Variants in FRMD3 observed in about 807,000 individuals in gnomAD.
The protein encoded by FRMD3 is FERM domain-containing protein 3.
FRMD3 carries 33 observed loss-of-function variants against 70.2 expected under a neutral mutation model. The ratio of observed to expected loss-of-function variants is 0.47; its 90% CI spans 0.36 to 0.63. The LOEUF (loss-of-function observed/expected upper bound fraction) is 0.63. FRMD3 is among the 20% of genes least tolerant of loss of function. The pLI is 0.00. For missense variants in FRMD3, 632 were observed against 711.4 expected, an observed-to-expected ratio of 0.89 and a Z score of 1.27; for synonymous variants, 279 against 255.9, an observed-to-expected ratio of 1.09 and a Z score of -0.86.
At chr9:83,444,395 G>A (rs977120025) in intron 1 of FRMD3, among the ~76,000 whole-genome samples, 1 of 152,234 alleles carries the variant, frequency 6.6e-6, no homozygotes, top group Non-Finnish European at 1.5e-5. Context: ...GACAGTCGGG[G>A]CTGCCCAGAT....
chr9:83,440,612 T>C lies in FRMD3; in HGVS notation c.148-50904A>G, dbSNP rs1827266395. On this transcript the variant is annotated intron_variant, in intron 1 of 13. Coordinates refer to ENST00000304195, the MANE Select transcript of FRMD3 (RefSeq NM_174938.6). ...CATTACTATCCAATTCTTCATTTGT[T>C]CAGTTGGGGAAGAAAGGGAACACCT... 2.6e-5 allele frequency among the ~76,000 whole-genome samples: 4 copies of C among 152,264 alleles called. No individual in the cohort carries two copies. The South Asian group carries it at 8.3e-4, about 32-fold the overall frequency.
chr9:83,271,947 T>C (rs957761128), intron 13 of FRMD3, among the ~76,000 whole-genome samples: 11 of 152,214 alleles, frequency 7.2e-5, no homozygotes, highest in African/African-American at 2.7e-4. Flanking sequence ...CCAACTTATT[T>C]ATAAACGGAA....
chr9:83,494,865 G>GCA (rs1554712477), intron 1 of FRMD3, among the ~76,000 whole-genome samples: 3 of 121,470 alleles, frequency 2.5e-5, no homozygotes, highest in East Asian at 2.0e-4. Context: ...GTGTGCGCGC[G>GCA]CGCATGTGCG....
In FRMD3 at chr9:83,245,278, A is replaced by G; in HGVS notation, c.*2640T>C. 2 of 985,404 alleles carry G rather than the reference A, an allele frequency of 2.0e-6. No homozygotes were observed. Among genetic ancestry groups the G allele is most frequent in the South Asian group, 9.4e-5 (2 of 21,290 alleles). 61.0% of individuals were successfully genotyped at this position (985,404 alleles called of 1,614,324 possible). A position where few individuals can be genotyped will look rare whatever the true frequency, so the allele number is the denominator to read the frequency against. On this transcript the variant is annotated 3_prime_UTR_variant, in exon 14 of 14. Coordinates refer to ENST00000304195, the MANE Select transcript of FRMD3 (RefSeq NM_174938.6). ...TTTAAACTCTATATCTCACTCTATA[A>G]TATACTGTCCATCTCTGGAAGCAGG...
At chr9:83,396,611 G>C (rs947159671) in intron 1 of FRMD3, among the ~76,000 whole-genome samples, 1 of 152,186 alleles carries the variant, frequency 6.6e-6, no homozygotes, top group African/African-American at 2.4e-5. Flanking sequence ...TACTTTACGA[G>C]GGCTTCTGGG....
chr9:83,485,966 T>C (rs1828680329), intron 1 of FRMD3, among the ~76,000 whole-genome samples: 2 of 152,090 alleles, frequency 1.3e-5, no homozygotes, highest in African/African-American at 2.4e-5. Flanking sequence ...TTAATGTATA[T>C]GTTGTATATC....
chr9:83,531,909 G>T (rs1358247251), intron 1 of FRMD3, among the ~76,000 whole-genome samples: 1 of 152,152 alleles, frequency 6.6e-6, no homozygotes, highest in African/African-American at 2.4e-5. Context: ...AGAACAGGAG[G>T]CCCAGTGACT....
At chr9:83,441,495 CAA>C (rs1181477606) in intron 1 of FRMD3, among the ~76,000 whole-genome samples, 2 of 152,134 alleles carry the variant, frequency 1.3e-5, no homozygotes, top group Non-Finnish European at 2.9e-5. Flanking sequence ...GATAAATACA[CAA>C]AAGAGTCTCT....
chr9:83,551,844 GT>G, the FRMD3 span, among the ~76,000 whole-genome samples: 1 of 151,078 alleles, frequency 6.6e-6, no homozygotes, highest in Non-Finnish European at 1.5e-5. Context: ...TTCTAATTGT[GT>G]TTATTTGGAT....
chr9:83,351,730 T>TAGATAGAC (rs879390065), intron 3 of FRMD3, among the ~76,000 whole-genome samples: 5 of 151,340 alleles, frequency 3.3e-5, no homozygotes, highest in African/African-American at 4.8e-5. Flanking sequence ...GATAGATAGA[T>TAGATAGAC]AGACATGCCA....
At chr9:83,278,702 T>A (rs1245277024) in intron 13 of FRMD3, among the ~76,000 whole-genome samples, 2 of 151,974 alleles carry the variant, frequency 1.3e-5, no homozygotes. Context: ...CAGGGGCACG[T>A]CCCCAGCCAC....
At chr9:83,270,784 A>G (rs1055578295) in intron 13 of FRMD3, among the ~76,000 whole-genome samples, 2 of 152,042 alleles carry the variant, frequency 1.3e-5, no homozygotes, top group African/African-American at 2.4e-5. Flanking sequence ...TTCTCAGATC[A>G]GTGCCTTGCA....
intron 1 of FRMD3, among the ~76,000 whole-genome samples, chr9:83,515,625 A>C (rs1829438204): frequency 6.6e-6 from 1 of 152,208 alleles, no homozygotes; most frequent in Non-Finnish European, 1.5e-5. Context: ...AGAATGCCAC[A>C]AAGATACTCC....
intron 7 of FRMD3, 65 bp from the exon 8 acceptor site, chr9:83,312,040 AC>A: frequency 8.3e-7 from 1 of 1,205,446 alleles, no homozygotes; most frequent in Non-Finnish European, 1.2e-6. Context: ...ATAAATGATA[AC>A]CAATATATTT....
At position 83,247,680 on chromosome 9, in the gene FRMD3, T is replaced by C. The variant is rs1832173828; in HGVS notation, c.*238A>G. ...GGTATGTCTACACTATAATAAAAAATAAACATATTTTTGGTTATTTAAAGA... is the reference window on the plus strand; with the variant it reads ...GGTATGTCTACACTATAATAAAAAACAAACATATTTTTGGTTATTTAAAGA... On this transcript the variant is annotated 3_prime_UTR_variant, in exon 14 of 14. Coordinates refer to ENST00000304195, the MANE Select transcript of FRMD3 (RefSeq NM_174938.6). 3 of 1,269,574 alleles carry C rather than the reference T, an allele frequency of 2.4e-6. No individual in the cohort carries two copies. 78.6% of individuals were successfully genotyped at this position (1,269,574 alleles called of 1,614,324 possible). A position where few individuals can be genotyped will look rare whatever the true frequency, so the allele number is the denominator to read the frequency against.
At chr9:83,560,788 T>G in the FRMD3 span, among the ~76,000 whole-genome samples, 1 of 152,206 alleles carries the variant, frequency 6.6e-6, no homozygotes, top group Non-Finnish European at 1.5e-5. Flanking sequence ...AATGTGCCTC[T>G]TCTGTCTTCC....
At chr9:83,339,253 C>T (rs777548350) in intron 5 of FRMD3, among the ~76,000 whole-genome samples, 7 of 152,166 alleles carry the variant, frequency 4.6e-5, no homozygotes, top group Non-Finnish European at 1.0e-4. Context: ...CTCTGATTCC[C>T]TAAAGCTTGT....
rs1563993854 is a variant in FRMD3, at chr9:83,284,058, G to GTTTTTTTTTTTTTTTTTT, written c.1195+6544_1195+6545insAAAAAAAAAAAAAAAAAA. ...CCTCTACGAGGGGGCAAGCTAGGAT[G>GTTTTTTTTTTTTTTTTTT]TTATTTTTTTTTTTTTTTTTTTTTT... On this transcript the variant is annotated intron_variant, in intron 13 of 13. Coordinates refer to ENST00000304195, the MANE Select transcript of FRMD3 (RefSeq NM_174938.6). Among the ~76,000 whole-genome samples the GTTTTTTTTTTTTTTTTTT allele has an allele frequency of 3.8e-5, 3 of 79,314 alleles. 1 individual carries two copies. The highest frequency in any genetic ancestry group is 1.4e-4 in the African/African-American group (3 of 21,324). 52.0% of individuals were successfully genotyped at this position (79,314 alleles called of 152,430 possible).
intron 6 of FRMD3, among the ~76,000 whole-genome samples, chr9:83,322,681 G>T (rs546879476): frequency 1.3e-5 from 2 of 152,298 alleles, no homozygotes; most frequent in East Asian, 3.9e-4. Context: ...TGGGTCAAGA[G>T]TTTCTCTCAT....
Sources: allele counts gnomAD v4.1 joint callset (sites outside exome capture counted in the v4.1 genomes callset), GRCh38; gene constraint gnomAD v4.1.1; transcripts MANE v1.5; gene names NCBI Gene and HGNC (gene_info 2026-07-23, HGNC 2026-07-21).